Variants in POLM observed in about 807,000 individuals in gnomAD.
POLM encodes DNA-directed DNA/RNA polymerase mu.
In POLM, 52 loss-of-function variants were observed where a neutral mutation model predicts 56.7. That is an observed-to-expected ratio of 0.92 (90% CI 0.73 to 1.15). POLM has a LOEUF of 1.15. Ranked by LOEUF, POLM falls within the 50% of genes most tolerant of loss-of-function variation. POLM has a pLI of 0.00. For missense variants in POLM, 660 were observed against 663.6 expected, an observed-to-expected ratio of 0.99 and a Z score of 0.06; for synonymous variants, 273 against 274.3, an observed-to-expected ratio of 1.00 and a Z score of 0.05.
At chr7:44,080,274 G>C in intron 2 of POLM, 1 of 526,138 alleles carries the variant, frequency 1.9e-6, no homozygotes. Context: ...TGGGGATGCT[G>C]AGGCCTTGGA....
intron 2 of POLM, chr7:44,080,354 C>A: frequency 1.8e-6 from 1 of 545,124 alleles, no homozygotes; most frequent in Non-Finnish European, 3.5e-6. Context: ...AACCTGGCCC[C>A]AAGCCCACAC....
rs3218662 is a variant in POLM at position 44,076,652 on chromosome 7, G to A, written c.715-23C>T. 77 of 1,612,502 alleles carry A rather than the reference G, an allele frequency of 4.8e-5. No homozygotes were observed. In the African/African-American group the frequency reaches 5.5e-4, roughly 11 times the overall value. Reference sequence around the variant, plus strand: ...GAGCTGTGGGGAAGGAGCGTAGCCCGGTTGGGCAGAGCTCTCATGGCTAGA... The same window carrying A: ...GAGCTGTGGGGAAGGAGCGTAGCCCAGTTGGGCAGAGCTCTCATGGCTAGA... On this transcript the variant is annotated intron_variant, in intron 5 of 10. Coordinates refer to ENST00000242248, the MANE Select transcript of POLM (RefSeq NM_013284.4).
At chr7:44,073,603 T>A (rs1325880358) in intron 10 of POLM, 22 bp downstream of exon 10, 1 of 1,612,054 alleles carries the variant, frequency 6.2e-7, no homozygotes, top group South Asian at 1.1e-5. Flanking sequence ...CTGTTTGCTG[T>A]CCCCAGTCCC....
chr7:44,076,246 C>T, intron 6 of POLM: 1 of 410,382 alleles, frequency 2.4e-6, no homozygotes, highest in Non-Finnish European at 4.5e-6. Context: ...CCAGGCTGTC[C>T]CTGGTCACTG....
Position 44,072,101 on chromosome 7 carries a change from T to G in POLM, c.*1190A>C, listed in dbSNP as rs2128798695. On this transcript the variant is annotated 3_prime_UTR_variant, in exon 11 of 11. Coordinates refer to ENST00000242248, the MANE Select transcript of POLM (RefSeq NM_013284.4). ...GTTTGGTTCTATTTACATGACATTC[T>G]AGAGAAAGCAAAACTATAGGGATGT... The G allele has an allele frequency of 6.6e-6, 1 of 152,314 alleles. No individual in the cohort carries two copies. Among genetic ancestry groups the G allele is most frequent in the Admixed American group, 6.5e-5 (1 of 15,302 alleles). The allele number at this position is 152,314 out of a possible 1,614,324, so 9.4% of individuals were successfully genotyped here. A position where few individuals can be genotyped will look rare whatever the true frequency, so the allele number is the denominator to read the frequency against.
chr7:44,079,888 G>A lies in POLM; in HGVS notation c.444C>T (p.Pro148=), dbSNP rs1481834338. 6.2e-7 allele frequency: 1 copy of A among 1,614,160 alleles called. No individual in the cohort carries two copies. Among genetic ancestry groups the A allele is most frequent in the Admixed American group, 1.7e-5 (1 of 60,032 alleles). The change falls in exon 3 of 11, where the codon CCC becomes CCT. Residue 148 remains proline, a synonymous_variant. Transcript: ENST00000242248. ...MPAYACQRPT[P]LTHHNTGLSE... Reference sequence around the variant, plus strand: ...AGAGGCCAGTGTTGTGGTGTGTGAGGGGCGTAGGGCGCTGGCAGGCATAGG... The same window carrying A: ...AGAGGCCAGTGTTGTGGTGTGTGAGAGGCGTAGGGCGCTGGCAGGCATAGG...
intron 7 of POLM, 73 bp from the exon 8 acceptor site, chr7:44,074,306 A>G: frequency 6.5e-7 from 1 of 1,543,470 alleles, no homozygotes; most frequent in Non-Finnish European, 8.8e-7. Context: ...ATCCCTTCCA[A>G]CGAGTGGGCC....
At position 44,080,776 on chromosome 7, in the gene POLM, C is replaced by T; in HGVS notation, c.329G>A (p.Gly110Glu). 6.2e-7 allele frequency: 1 copy of T among 1,614,082 alleles called. No individual in the cohort carries two copies. Among genetic ancestry groups the T allele is most frequent in the Non-Finnish European group, 8.5e-7 (1 of 1,180,016 alleles). The change falls in exon 2 of 11, where the codon GGA becomes GAA. Residue 110 changes from glycine to glutamate, a missense_variant. Transcript: ENST00000242248. The part of the protein sequence containing the change: ...LDISWLTESL[G>E]AGQPVPVECR... ...CTCCACAGGTACAGGCTGCCCAGCT[C>T]CCAGGCTCTCTGTTAACCAGCTTAT... is the stretch of plus-strand genomic sequence containing the variant.
At position 44,073,894 on chromosome 7, in the gene POLM, A is replaced by G. The variant is rs562426859; in HGVS notation, c.1203T>C (p.Ala401=). The change falls in exon 9 of 11, where the codon GCT becomes GCC. Residue 401 remains alanine (A), a synonymous_variant. Coordinates refer to ENST00000242248, the MANE Select transcript of POLM (RefSeq NM_013284.4). ...IFRLPQPPGA[A]VGGSTRPCPS... is the part of the protein sequence containing the mutation. Reference sequence around the variant, plus strand: ...GGCAGGGCCTCGTGGATCCCCCCACAGCAGCCCCTGGAGGTTGTGGTAGGC... The same window carrying G: ...GGCAGGGCCTCGTGGATCCCCCCACGGCAGCCCCTGGAGGTTGTGGTAGGC... 2.5e-6 allele frequency: 4 copies of G among 1,614,214 alleles called. No homozygotes were observed. The African/African-American group carries it at 4.0e-5, about 16-fold the overall frequency.
rs28382645 is a variant in POLM, at chr7:44,078,724, GC to G, written c.714+15del. The G allele has an allele frequency of 0.061, 97,474 of 1,611,016 alleles. 3,345 individuals carry two copies. The highest frequency in any genetic ancestry group is 0.067 in the Non-Finnish European group (78,931 of 1,177,286). Reference sequence around the variant, plus strand: ...CAGGACATTCCTGGGGTAGGTCCGAGCCCTGCCCTGCGCACCTTCATGGTCT... The same window carrying G: ...CAGGACATTCCTGGGGTAGGTCCGAGCCTGCCCTGCGCACCTTCATGGTCT... On this transcript the variant is annotated intron_variant, in intron 5 of 10. Coordinates refer to ENST00000242248, the MANE Select transcript of POLM (RefSeq NM_013284.4).
Position 44,073,363 on chromosome 7 carries a change from T to C in POLM, c.1413A>G (p.Gln471=). Residue 471 remains glutamine, a synonymous_variant, in exon 11 of 11, where the codon CAA becomes CAG. Coordinates refer to ENST00000242248, the MANE Select transcript of POLM (RefSeq NM_013284.4). ...TGAAGATGTCTTCCTCTGAAGCCGC[T>C]TGGAAAAATGTCTTCTGCAACAGAA... is the stretch of plus-strand genomic sequence containing the variant. The part of the protein sequence containing the change: ...LFDPEQKTFF[Q]AASEEDIFRH... 1.9e-6 allele frequency: 3 copies of C among 1,613,840 alleles called. No homozygotes were observed. The highest frequency in any genetic ancestry group is 2.5e-6 in the Non-Finnish European group (3 of 1,179,940).
In POLM at chr7:44,073,243, T is replaced by C. The variant is rs964959253; in HGVS notation, c.*48A>G. 2 of 1,613,728 alleles carry C rather than the reference T, an allele frequency of 1.2e-6. No homozygotes were observed. The highest frequency in any genetic ancestry group is 1.3e-5 in the African/African-American group (1 of 74,856). ...TGCCTGGAGACATTCAGTGGCCAGG[T>C]TGGGGGCAGCCCAATTTCCTGAGTG... On this transcript the variant is annotated 3_prime_UTR_variant, in exon 11 of 11. Transcript: ENST00000242248.
Position 44,079,855 on chromosome 7 carries a change from G to T in POLM, c.471+6C>A. ...GGGCTGGCCAAGGCTCATAGAAGCG[G>T]CTTACGGAGAGGCCAGTGTTGTGGT... On this transcript the variant is annotated splice_donor_region_variant and intron_variant, in intron 3 of 10. Coordinates refer to ENST00000242248, the MANE Select transcript of POLM (RefSeq NM_013284.4). 6.2e-7 allele frequency: 1 copy of T among 1,613,924 alleles called. No individual in the cohort carries two copies. Among genetic ancestry groups the T allele is most frequent in the Non-Finnish European group, 8.5e-7 (1 of 1,179,798 alleles).
chr7:44,082,247 G>A lies in POLM; in HGVS notation c.188+4C>T, dbSNP rs1486565466. 4 of 1,458,082 alleles carry A rather than the reference G, an allele frequency of 2.7e-6. No individual in the cohort carries two copies. Among genetic ancestry groups the A allele is most frequent in the Non-Finnish European group, 3.6e-6 (4 of 1,113,534 alleles). 90.3% of individuals were successfully genotyped at this position (1,458,082 alleles called of 1,614,324 possible). A position where few individuals can be genotyped will look rare whatever the true frequency, so the allele number is the denominator to read the frequency against. On this transcript the variant is annotated splice_donor_region_variant and intron_variant, in intron 1 of 10. Coordinates refer to ENST00000242248, the MANE Select transcript of POLM (RefSeq NM_013284.4). ...AGCCCTCGCCGCGCCGCGCCGCCCC[G>A]CACCTGCAGGCGTCAAGGACGCGGA...
chr7:44,076,827 C>T, intron 5 of POLM, 198 bp from the exon 6 acceptor site: 2 of 597,064 alleles, frequency 3.3e-6, no homozygotes, highest in Non-Finnish European at 5.9e-6. Context: ...TGGGAACAAA[C>T]CCACGCACAC....
intron 2 of POLM, 54 bp downstream of exon 2, chr7:44,080,679 G>T: frequency 6.5e-7 from 1 of 1,543,676 alleles, no homozygotes; most frequent in Non-Finnish European, 8.9e-7. Context: ...CTGAGCAATG[G>T]CCTACACTGG....
chr7:44,074,607 T>G, intron 6 of POLM, 77 bp from the exon 7 acceptor site: 1 of 1,447,596 alleles, frequency 6.9e-7, no homozygotes, highest in Non-Finnish European at 9.1e-7. Flanking sequence ...CAGCATGAGG[T>G]GATCAACCTG....
chr7:44,074,294 A>G, intron 7 of POLM, 61 bp from the exon 8 acceptor site: 1 of 1,543,430 alleles, frequency 6.5e-7, no homozygotes, highest in Non-Finnish European at 8.8e-7. Flanking sequence ...GCCCCAGGCC[A>G]CATCCCTTCC....
At position 44,073,294 on chromosome 7, in the gene POLM, G is replaced by A; in HGVS notation, c.1482C>T (p.Ala494=). ...GAAGTGGGGGACACAGGCAGGCTCA[G>A]GCGTTTCTCTGCTCTGGAGGAAGGT... The part of the protein sequence containing the change: ...LEYLPPEQRN[A] Residue 494 remains alanine, a synonymous_variant, in exon 11 of 11, where the codon GCC becomes GCT. Transcript: ENST00000242248. 1 of 1,614,216 alleles carries A rather than the reference G, an allele frequency of 6.2e-7. No individual in the cohort carries two copies. The highest frequency in any genetic ancestry group is 8.5e-7 in the Non-Finnish European group (1 of 1,180,024).
Sources: gnomAD v4.1 joint callset for allele counts on GRCh38, gnomAD v4.1.1 for gene constraint, MANE v1.5 for transcripts, NCBI Gene and HGNC (gene_info 2026-07-23, HGNC 2026-07-21) for gene names.